ISM1: variants seen among roughly 807,000 people sequenced by gnomAD.
ISM1 encodes isthmin-1.
Under a neutral mutation model 46.3 loss-of-function variants are expected in ISM1, and 25 were observed. That is an observed-to-expected ratio of 0.54 (90% CI 0.39 to 0.75). ISM1 has a LOEUF of 0.75. ISM1 is among the 30% of genes least tolerant of loss of function. ISM1 has a pLI of 0.00. For synonymous variants in ISM1, 255 were observed against 256.7 expected (o/e 0.99, Z 0.06); for missense variants, 536 against 625.4 (o/e 0.86, Z 1.52).
At chr20:13,232,834 G>T (rs531538270) in intron 1 of ISM1, among the ~76,000 whole-genome samples, 4 of 152,290 alleles carry the variant, frequency 2.6e-5, no homozygotes, top group African/African-American at 9.6e-5. Context: ...GTAAGTGTAT[G>T]AACTACAGTA....
downstream of ISM1, among the ~76,000 whole-genome samples, chr20:13,301,355 A>C (rs532750532): frequency 2.6e-5 from 4 of 152,104 alleles, no homozygotes; most frequent in Non-Finnish European, 5.9e-5. Flanking sequence ...CGCCTGGCTA[A>C]CTCTTGTATT....
At chr20:13,223,350 T>C (rs1473381233) in intron 1 of ISM1, among the ~76,000 whole-genome samples, 1 of 152,184 alleles carries the variant, frequency 6.6e-6, no homozygotes, top group Non-Finnish European at 1.5e-5. Context: ...CCATTGTGTT[T>C]ACTACGTGCC....
At chr20:13,302,772 G>A (rs2040469900), downstream of ISM1, among the ~76,000 whole-genome samples, 1 of 152,182 alleles carries the variant, frequency 6.6e-6, no homozygotes, top group South Asian at 2.1e-4. Context: ...TGGGCATCCT[G>A]GGTGCCACAT....
downstream of ISM1, among the ~76,000 whole-genome samples, chr20:13,305,562 C>T (rs957859646): frequency 8.5e-5 from 13 of 152,138 alleles, no homozygotes; most frequent in Admixed American, 5.2e-4. Context: ...TGCACAATTT[C>T]GGACAAATTA....
At position 13,248,803 on chromosome 20, in the gene ISM1, C is replaced by T. The variant is rs187599797; in HGVS notation, c.139-21701C>T. 3.4e-3 allele frequency among the ~76,000 whole-genome samples: 525 copies of T among 152,244 alleles called. 1 individual carries two copies. Among genetic ancestry groups the T allele is most frequent in the Non-Finnish European group, 5.4e-3 (365 of 68,016 alleles). The stretch of plus-strand genomic sequence containing the variant: ...GCATGACCTGCCATTTGGGGGTGAG[C>T]GGGGGAAGCCAGTGGAATAAATATA... On this transcript the variant is annotated intron_variant, in intron 1 of 5. Coordinates refer to ENST00000262487, the MANE Select transcript of ISM1 (RefSeq NM_080826.2).
At chr20:13,228,401 T>A (rs1373173002) in intron 1 of ISM1, among the ~76,000 whole-genome samples, 2 of 152,214 alleles carry the variant, frequency 1.3e-5, no homozygotes, top group Non-Finnish European at 2.9e-5. Flanking sequence ...ATATCTTTAT[T>A]TGATTCTCAG....
intron 1 of ISM1, among the ~76,000 whole-genome samples, chr20:13,248,634 G>GTTTGTTTTCCCCTTTCAGTTCTTT (rs1555810392): frequency 1.3e-5 from 2 of 152,186 alleles, no homozygotes; most frequent in Non-Finnish European, 2.9e-5. Context: ...AATGTGCTCA[G>GTTTGTTTTCCCCTTTCAGTTCTTT]TTTGTTTTCC....
chr20:13,273,427 G>A (rs1391183479), intron 2 of ISM1, among the ~76,000 whole-genome samples: 2 of 151,838 alleles, frequency 1.3e-5, no homozygotes, highest in East Asian at 3.9e-4. Context: ...GAAGAGACCA[G>A]GCCTCACTGT....
Position 13,269,754 on chromosome 20 carries a change from T to C in ISM1, c.139-750T>C, listed in dbSNP as rs138367394. ...CTCCATCATCTTCTTTCTTTTCTTC[T>C]TGGCAGTCACCGTTCTTTGATCTGA... is the stretch of plus-strand genomic sequence containing the variant. On this transcript the variant is annotated intron_variant, in intron 1 of 5. Coordinates refer to ENST00000262487, the MANE Select transcript of ISM1 (RefSeq NM_080826.2). Among the ~76,000 whole-genome samples, 405 of 152,354 alleles carry C rather than the reference T, an allele frequency of 2.7e-3. 1 individual carries two copies. The highest frequency in any genetic ancestry group is 9.0e-3 in the African/African-American group (373 of 41,586).
the ISM1 span, among the ~76,000 whole-genome samples, chr20:13,319,160 C>T: frequency 2.0e-5 from 3 of 151,732 alleles, no homozygotes. Context: ...TGTTCAATTT[C>T]GTTATGAAAC....
chr20:13,257,549 C>T (rs2039942010), intron 1 of ISM1, among the ~76,000 whole-genome samples: 1 of 152,166 alleles, frequency 6.6e-6, no homozygotes, highest in African/African-American at 2.4e-5. Flanking sequence ...TGTGCCATTT[C>T]ATTCCTAACT....
the ISM1 span, among the ~76,000 whole-genome samples, chr20:13,324,124 C>T: frequency 1.3e-3 from 193 of 152,292 alleles, 1 homozygote; most frequent in African/African-American, 4.3e-3. Flanking sequence ...CAGGTACTAT[C>T]CCTGGGACCT....
intron 1 of ISM1, chr20:13,239,090 T>G (rs1414775810): frequency 2.0e-5 from 3 of 152,090 alleles, no homozygotes; most frequent in African/African-American, 7.2e-5. Context: ...GGAATCCACA[T>G]CAACTAGAAA....
chr20:13,231,421 T>G (rs1470361355), intron 1 of ISM1, among the ~76,000 whole-genome samples: 1 of 152,226 alleles, frequency 6.6e-6, no homozygotes, highest in East Asian at 1.9e-4. Context: ...TTTAGAGATC[T>G]AATGGGTCCT....
chr20:13,250,380 C>T lies in ISM1; in HGVS notation c.139-20124C>T, dbSNP rs115901909. ...GATTCAGCTTGCGGAGAATTTCACA[C>T]GTACTGAAGACGTGAGAATGAAGTC... On this transcript the variant is annotated intron_variant, in intron 1 of 5. Coordinates refer to ENST00000262487, the MANE Select transcript of ISM1 (RefSeq NM_080826.2). Among the ~76,000 whole-genome samples, 427 of 152,238 alleles carry T rather than the reference C, an allele frequency of 2.8e-3. 2 individuals are homozygous for T. Among genetic ancestry groups the T allele is most frequent in the African/African-American group, 9.8e-3 (408 of 41,538 alleles).
chr20:13,247,030 G>T (rs947040249), intron 1 of ISM1, among the ~76,000 whole-genome samples: 3 of 152,122 alleles, frequency 2.0e-5, no homozygotes, highest in African/African-American at 4.8e-5. Flanking sequence ...GAGATCAGGA[G>T]TTAGAGACCA....
downstream of ISM1, among the ~76,000 whole-genome samples, chr20:13,301,031 A>G (rs1230938593): frequency 6.6e-6 from 1 of 152,228 alleles, no homozygotes; most frequent in Non-Finnish European, 1.5e-5. Context: ...CTCAGAAAAC[A>G]TAAAGACATT....
the ISM1 span, among the ~76,000 whole-genome samples, chr20:13,321,775 A>G: frequency 1.3e-5 from 2 of 152,220 alleles, no homozygotes; most frequent in African/African-American, 4.8e-5. Flanking sequence ...TTGAATTCAC[A>G]TCTTTTCTTT....
intron 1 of ISM1, among the ~76,000 whole-genome samples, chr20:13,233,920 A>G (rs987260785): frequency 6.6e-6 from 1 of 152,222 alleles, no homozygotes; most frequent in African/African-American, 2.4e-5. Context: ...TTATAAAATA[A>G]GAGTTTTAAG....
Sources: allele counts gnomAD v4.1 joint callset (sites outside exome capture counted in the v4.1 genomes callset), GRCh38; gene constraint gnomAD v4.1.1; transcripts MANE v1.5; gene names NCBI Gene and HGNC (gene_info 2026-07-23, HGNC 2026-07-21).